The following GPD2 variants were observed in gnomAD, a reference collection of about 807,000 sequenced individuals.
The protein encoded by GPD2 is glycerol-3-phosphate dehydrogenase 2, also known as glycerol-3-phosphate dehydrogenase, mitochondrial.
Under a neutral mutation model 82.4 loss-of-function variants are expected in GPD2, and 54 were observed. The ratio of observed to expected loss-of-function variants is 0.66; its 90% CI spans 0.53 to 0.82. The LOEUF (loss-of-function observed/expected upper bound fraction) is 0.82. GPD2 is among the 40% of genes least tolerant of loss of function. The pLI is 0.00. For synonymous variants in GPD2, 288 were observed against 306.1 expected, an observed-to-expected ratio of 0.94 and a Z score of 0.62; for missense variants, 748 against 896.2, an observed-to-expected ratio of 0.83 and a Z score of 2.11.
At chr2:156,455,297 G>A (rs534917212) in intron 1 of GPD2, among the ~76,000 whole-genome samples, 1 of 152,260 alleles carries the variant, frequency 6.6e-6, no homozygotes, top group African/African-American at 2.4e-5. Flanking sequence ...GGTCTTTTAA[G>A]TTCAACCATG....
intron 1 of GPD2, 23 bp downstream of exon 1, chr2:156,436,536 C>G (rs1266123542): frequency 2.0e-5 from 3 of 152,280 alleles, no homozygotes; most frequent in Non-Finnish European, 4.4e-5. Context: ...TGGGAGACCC[C>G]TTCCCCCGCC....
Position 156,539,850 on chromosome 2 carries a change from C to T in GPD2, c.662-9758C>T, listed in dbSNP as rs1021981312. ...AGTTATATCAAAGGGCTTCTTTTGA[C>T]TTGTTGTATAATTCGATTCTTGAGT... On this transcript the variant is annotated intron_variant, in intron 6 of 16. Transcript: ENST00000438166. Among the ~76,000 whole-genome samples, 15 of 152,254 alleles carry T rather than the reference C, an allele frequency of 9.9e-5. No individual in the cohort carries two copies. The East Asian group carries it at 2.7e-3, about 27-fold the overall frequency.
At chr2:156,439,531 A>AAAC (rs1558898803) in intron 1 of GPD2, among the ~76,000 whole-genome samples, 1 of 115,452 alleles carries the variant, frequency 8.7e-6, no homozygotes, top group Non-Finnish European at 1.8e-5. Flanking sequence ...AAAAAAAAAA[A>AAAC]AAAAAAAACA....
chr2:156,506,529 G>A (rs1684789901), intron 3 of GPD2, among the ~76,000 whole-genome samples: 1 of 151,804 alleles, frequency 6.6e-6, no homozygotes, highest in Admixed American at 6.6e-5. Flanking sequence ...ATATCCTCCT[G>A]AGATGGCTTG....
intron 2 of GPD2, among the ~76,000 whole-genome samples, chr2:156,488,582 T>G (rs932434695): frequency 1.3e-5 from 2 of 152,200 alleles, no homozygotes; most frequent in African/African-American, 4.8e-5. Context: ...TTAGATCTTG[T>G]TTTTGGTCTC....
chr2:156,521,731 T>A (rs1419303584), intron 6 of GPD2, among the ~76,000 whole-genome samples: 1 of 152,192 alleles, frequency 6.6e-6, no homozygotes. Flanking sequence ...AGTTTAAGAA[T>A]TAAAAACCAT....
At chr2:156,436,232 G>A (rs555316515), upstream of GPD2, among the ~76,000 whole-genome samples, 2 of 152,350 alleles carry the variant, frequency 1.3e-5, no homozygotes, top group South Asian at 2.1e-4. Context: ...CTGGGCCCGA[G>A]GTATCCGGGC....
At chr2:156,404,554 G>A in the GPD2 span, among the ~76,000 whole-genome samples, 1 of 151,924 alleles carries the variant, frequency 6.6e-6, no homozygotes, top group Admixed American at 6.6e-5. Flanking sequence ...TTTAAGAAAA[G>A]TTTAGGCCAA....
At chr2:156,406,393 C>T in the GPD2 span, among the ~76,000 whole-genome samples, 1 of 152,160 alleles carries the variant, frequency 6.6e-6, no homozygotes, top group African/African-American at 2.4e-5. Flanking sequence ...TCCAATTAGT[C>T]AACAAGCCTG....
At chr2:156,514,155 A>T (rs1335797184) in intron 6 of GPD2, among the ~76,000 whole-genome samples, 2 of 150,078 alleles carry the variant, frequency 1.3e-5, no homozygotes. Context: ...GCATGTATGC[A>T]ATATAGTTTT....
chr2:156,468,549 T>A (rs1028499632), intron 1 of GPD2, among the ~76,000 whole-genome samples: 1 of 152,194 alleles, frequency 6.6e-6, no homozygotes, highest in Non-Finnish European at 1.5e-5. Context: ...ACAAAAGGCT[T>A]AGGTAAAGGG....
At position 156,563,076 on chromosome 2, in the gene GPD2, A is replaced by G. The variant is rs555892891; in HGVS notation, c.1165+5494A>G. On this transcript the variant is annotated intron_variant, in intron 9 of 16. Transcript: ENST00000438166. The stretch of plus-strand genomic sequence containing the variant: ...GCATTCATGTAATTTGGAAGGGAAT[A>G]TCCAGTTGTTCAATATATAGTCACT... Among the ~76,000 whole-genome samples the G allele has an allele frequency of 3.3e-5, 5 of 152,272 alleles. No homozygotes were observed. In the South Asian group the frequency reaches 1.0e-3, roughly 32 times the overall value.
intron 8 of GPD2, among the ~76,000 whole-genome samples, chr2:156,556,255 A>G (rs1322009761): frequency 1.3e-5 from 2 of 152,160 alleles, no homozygotes; most frequent in East Asian, 1.9e-4. Context: ...ACGTTTCCAT[A>G]TTAAAAAATA....
chr2:156,453,809 G>A (rs1682697474), intron 1 of GPD2, among the ~76,000 whole-genome samples: 2 of 152,132 alleles, frequency 1.3e-5, no homozygotes, highest in Admixed American at 6.5e-5. Flanking sequence ...CCCGGGAGGT[G>A]GAGGTTGCAG....
intron 6 of GPD2, among the ~76,000 whole-genome samples, chr2:156,519,687 G>T (rs1685324992): frequency 6.6e-6 from 1 of 152,230 alleles, no homozygotes; most frequent in Non-Finnish European, 1.5e-5. Flanking sequence ...TAGTGAGATA[G>T]GAGAGTTGCC....
rs554904456 is a variant in GPD2 at position 156,541,003 on chromosome 2, T to C, written c.662-8605T>C. 2.6e-5 allele frequency among the ~76,000 whole-genome samples: 4 copies of C among 152,392 alleles called. No individual in the cohort carries two copies. The South Asian group carries it at 8.3e-4, about 32-fold the overall frequency. On this transcript the variant is annotated intron_variant, in intron 6 of 16. Transcript: ENST00000438166. ...AACCACATCTTGTCGTTATAGTCTT[T>C]GCTTTCCAGCAATTCCTTTTTACCT...
intron 2 of GPD2, among the ~76,000 whole-genome samples, chr2:156,479,889 G>T (rs2105209288): frequency 6.6e-6 from 1 of 152,160 alleles, no homozygotes; most frequent in Non-Finnish European, 1.5e-5. Context: ...CTTCTCCCCA[G>T]ACCAGCTGTA....
At chr2:156,424,691 G>A in the GPD2 span, among the ~76,000 whole-genome samples, 1 of 152,116 alleles carries the variant, frequency 6.6e-6, no homozygotes. Flanking sequence ...GCCTTTTTAA[G>A]GTTTGACTGC....
chr2:156,548,341 TG>T (rs2105332226), intron 6 of GPD2, among the ~76,000 whole-genome samples: 1 of 152,352 alleles, frequency 6.6e-6, no homozygotes, highest in African/African-American at 2.4e-5. Flanking sequence ...CTATTGTCAT[TG>T]TTTTTTTCTT....
Sources: gnomAD v4.1 joint callset for allele counts (sites outside exome capture counted in the v4.1 genomes callset) on GRCh38, gnomAD v4.1.1 for gene constraint, MANE v1.5 for transcripts, NCBI Gene and HGNC (gene_info 2026-07-23, HGNC 2026-07-21) for gene names.